The following ZBBX variants were observed in gnomAD, a reference collection of about 807,000 sequenced individuals.
ZBBX encodes zinc finger B-box domain containing, also known as zinc finger B-box domain-containing protein 1.
Under a neutral mutation model 108.5 loss-of-function variants are expected in ZBBX, and 101 were observed. The observed-to-expected ratio is 0.93, with a 90% CI of 0.79 to 1.10. ZBBX has a LOEUF of 1.10. Ranked by LOEUF, ZBBX falls within the 50% of genes least tolerant of loss-of-function variation. The pLI, the probability that ZBBX is intolerant of heterozygous loss-of-function variation, is 0.00. For missense variants in ZBBX, 1,009 were observed against 941.4 expected (o/e 1.07, Z -0.94); for synonymous variants, 356 against 323.4 (o/e 1.10, Z -1.08).
chr3:167,327,965 T>C lies in ZBBX; in HGVS notation c.839A>G (p.Gln280Arg), dbSNP rs779778573. ...ACCTTTTACTGCTGCATGTAAATTC[T>C]GTTTCTTGTTGTCATCATGATTTCC... Reference protein sequence around the residue: ...RTGNHDDNKKQNLHAAVKDSL... With the variant: ...RTGNHDDNKKRNLHAAVKDSL... Residue 280 changes from glutamine (Q) to arginine (R), a missense_variant, in exon 11 of 22, where the codon CAG (glutamine) becomes CGG (arginine). By Grantham distance (43) the Gln-to-Arg change is conservative (BLOSUM62 1). Transcript: ENST00000675490. 1.2e-6 allele frequency: 2 copies of C among 1,607,068 alleles called. No individual in the cohort carries two copies. Among genetic ancestry groups the C allele is most frequent in the Non-Finnish European group, 1.7e-6 (2 of 1,177,886 alleles).
At chr3:167,391,230 C>T (rs998133464) in intron 1 of ZBBX, among the ~76,000 whole-genome samples, 1 of 152,084 alleles carries the variant, frequency 6.6e-6, no homozygotes, top group Non-Finnish European at 1.5e-5. Context: ...TTTTCTGCGT[C>T]TATTGACGTA....
the ZBBX span, among the ~76,000 whole-genome samples, chr3:167,195,208 G>C: frequency 1.3e-5 from 2 of 152,138 alleles, no homozygotes; most frequent in African/African-American, 4.8e-5. Flanking sequence ...ACCTGGCTGG[G>C]ATGGAGCAAA....
chr3:167,332,323 C>T (rs907399818), intron 10 of ZBBX, among the ~76,000 whole-genome samples: 5 of 151,796 alleles, frequency 3.3e-5, no homozygotes, highest in African/African-American at 7.3e-5. Flanking sequence ...ACCCCACCCA[C>T]GGAGATGCTG....
chr3:167,288,250 T>C lies in ZBBX; in HGVS notation c.1996+617A>G, dbSNP rs1207907347. 2.6e-5 allele frequency among the ~76,000 whole-genome samples: 4 copies of C among 152,298 alleles called. No homozygotes were observed. In the East Asian group the frequency reaches 7.7e-4, roughly 29 times the overall value. On this transcript the variant is annotated intron_variant, in intron 19 of 21. Coordinates refer to ENST00000675490, the MANE Select transcript of ZBBX (RefSeq NM_001199201.2). ...CTAATAATAGTAGTGATTTTAATGA[T>C]GTTATATGCTCTGTATACACTCATT...
At chr3:167,385,726 C>G (rs929092055) in intron 1 of ZBBX, among the ~76,000 whole-genome samples, 1 of 151,822 alleles carries the variant, frequency 6.6e-6, no homozygotes, top group Admixed American at 6.6e-5. Context: ...ATGTATTACC[C>G]AAGCCCTACA....
At chr3:167,182,123 T>C in the ZBBX span, among the ~76,000 whole-genome samples, 2 of 152,050 alleles carry the variant, frequency 1.3e-5, no homozygotes, top group African/African-American at 4.8e-5. Flanking sequence ...GACTCGCTGA[T>C]TTTTTTTACA....
intron 13 of ZBBX, 38 bp from the exon 14 acceptor site, chr3:167,317,143 T>C (rs1233085117): frequency 7.6e-7 from 1 of 1,312,158 alleles, no homozygotes; most frequent in Non-Finnish European, 1.1e-6. Context: ...CATCAAAGAA[T>C]ATATCTTACT....
intron 12 of ZBBX, among the ~76,000 whole-genome samples, chr3:167,320,784 C>T (rs1306705730): frequency 6.6e-6 from 1 of 151,930 alleles, no homozygotes; most frequent in East Asian, 1.9e-4. Flanking sequence ...TGGCATTTTT[C>T]CTCACAGTGT....
At chr3:167,179,701 G>A in the ZBBX span, among the ~76,000 whole-genome samples, 1 of 152,156 alleles carries the variant, frequency 6.6e-6, no homozygotes, top group South Asian at 2.1e-4. Flanking sequence ...CTGAAGTATA[G>A]GGCATCTGGA....
At position 167,295,745 on chromosome 3, in the gene ZBBX, A is replaced by AT. The variant is rs1482406938; in HGVS notation, c.1879+2559dup. ...TATATATATATATATATATATATAT[A>AT]TATATATATATATAAAAAAAACTAG... On this transcript the variant is annotated intron_variant, in intron 18 of 21. Transcript: ENST00000675490. 6.3e-4 allele frequency among the ~76,000 whole-genome samples: 8 copies of AT among 12,606 alleles called. 1 individual carries two copies. In the East Asian group the frequency reaches 0.023, roughly 36 times the overall value. 8.3% of individuals were successfully genotyped at this position (12,606 alleles called of 152,430 possible). A position where few individuals can be genotyped will look rare whatever the true frequency, so the allele number is the denominator to read the frequency against.
chr3:167,381,798 T>A (rs1747743277), upstream of ZBBX, among the ~76,000 whole-genome samples: 1 of 152,194 alleles, frequency 6.6e-6, no homozygotes, highest in African/African-American at 2.4e-5. Context: ...TATTTTCAAA[T>A]ATATTTTAAC....
chr3:167,297,175 A>C lies in ZBBX; in HGVS notation c.1879+1130T>G, dbSNP rs151044527. Among the ~76,000 whole-genome samples, 1,493 of 152,146 alleles carry C rather than the reference A, an allele frequency of 9.8e-3. 25 individuals are homozygous for C. Among genetic ancestry groups the C allele is most frequent in the African/African-American group, 0.034 (1,413 of 41,556 alleles). On this transcript the variant is annotated intron_variant, in intron 18 of 21. Transcript: ENST00000675490. ...TATTGTGGAATTGCTAAATCAAGTT[A>C]ATTAACATATGTATTATCTCACCAA... is the stretch of plus-strand genomic sequence containing the variant.
intron 17 of ZBBX, among the ~76,000 whole-genome samples, chr3:167,300,282 C>T (rs971972385): frequency 6.6e-6 from 1 of 152,110 alleles, no homozygotes; most frequent in Non-Finnish European, 1.5e-5. Flanking sequence ...ATCCAATATC[C>T]CCCATGAGGA....
At chr3:167,290,377 G>A (rs1299596036) in intron 18 of ZBBX, among the ~76,000 whole-genome samples, 1 of 152,222 alleles carries the variant, frequency 6.6e-6, no homozygotes, top group Non-Finnish European at 1.5e-5. Flanking sequence ...AATCTTTGCT[G>A]TTCTGCAGCC....
chr3:167,331,540 T>A (rs1216852556), intron 10 of ZBBX: 1 of 984,388 alleles, frequency 1.0e-6, no homozygotes, highest in Non-Finnish European at 1.2e-6. Context: ...GACATTTTCA[T>A]ATTGGAGTTA....
chr3:167,180,103 C>T, the ZBBX span, among the ~76,000 whole-genome samples: 2,031 of 152,170 alleles, frequency 0.013, 22 homozygotes, highest in South Asian at 0.027. Flanking sequence ...ATCTTGCTCT[C>T]GAACAACAAC....
the ZBBX span, among the ~76,000 whole-genome samples, chr3:167,193,428 T>C: frequency 1.3e-5 from 2 of 152,262 alleles, no homozygotes; most frequent in South Asian, 4.1e-4. Flanking sequence ...GATTTCAGGG[T>C]TAGAGATGTT....
At chr3:167,265,200 G>A (rs1023975235) in intron 20 of ZBBX, among the ~76,000 whole-genome samples, 1 of 152,146 alleles carries the variant, frequency 6.6e-6, no homozygotes, top group Non-Finnish European at 1.5e-5. Context: ...GGTCTCCCCT[G>A]AAGCCAGCAC....
intron 20 of ZBBX, among the ~76,000 whole-genome samples, chr3:167,263,892 G>T (rs1725023386): frequency 6.6e-6 from 1 of 152,084 alleles, no homozygotes; most frequent in Non-Finnish European, 1.5e-5. Context: ...ATATATCTGG[G>T]TACTCCAGTG....
Sources: gnomAD v4.1 joint callset for allele counts (sites outside exome capture counted in the v4.1 genomes callset) on GRCh38, gnomAD v4.1.1 for gene constraint, MANE v1.5 for transcripts, NCBI Gene and HGNC (gene_info 2026-07-23, HGNC 2026-07-21) for gene names.